The following SCHIP1 variants were observed in gnomAD, a reference collection of about 807,000 sequenced individuals.
The protein encoded by SCHIP1 is schwannomin interacting protein 1.
In SCHIP1, 8 loss-of-function variants were observed where a neutral mutation model predicts 29.7. The observed-to-expected ratio is 0.27, with a 90% CI of 0.16 to 0.49. The LOEUF (loss-of-function observed/expected upper bound fraction) is 0.49, where lower values mean the gene tolerates loss of function less well. Ranked by LOEUF, SCHIP1 falls within the 20% of genes least tolerant of loss-of-function variation. The pLI is 0.99. For synonymous variants in SCHIP1, 76 were observed against 94.9 expected (o/e 0.80, Z 1.16); for missense variants, 193 against 294.6 (o/e 0.66, Z 2.52).
the SCHIP1 span, among the ~76,000 whole-genome samples, chr3:159,573,522 C>T: frequency 6.6e-6 from 1 of 152,222 alleles, no homozygotes; most frequent in Non-Finnish European, 1.5e-5. Flanking sequence ...CTCGATCTTC[C>T]TCTCTGGCTG....
chr3:159,590,422 A>G, the SCHIP1 span, among the ~76,000 whole-genome samples: 3 of 152,240 alleles, frequency 2.0e-5, no homozygotes, highest in Admixed American at 6.5e-5. Context: ...CTAAAAATAC[A>G]AAAATTAGCC....
chr3:159,597,669 A>T, the SCHIP1 span, among the ~76,000 whole-genome samples: 1 of 152,242 alleles, frequency 6.6e-6, no homozygotes, highest in East Asian at 1.9e-4. Context: ...CATTTTATCC[A>T]TTCACGCATT....
the SCHIP1 span, among the ~76,000 whole-genome samples, chr3:159,779,083 A>G: frequency 2.0e-5 from 3 of 152,186 alleles, no homozygotes; most frequent in African/African-American, 7.2e-5. Context: ...GGAATTGTGA[A>G]GGCTCTATGA....
At chr3:159,469,662 C>G in the SCHIP1 span, among the ~76,000 whole-genome samples, 2 of 152,084 alleles carry the variant, frequency 1.3e-5, no homozygotes, top group Non-Finnish European at 2.9e-5. Flanking sequence ...AAAGCTAGAA[C>G]TTTTATCAAA....
the SCHIP1 span, among the ~76,000 whole-genome samples, chr3:159,775,051 C>A: frequency 6.6e-6 from 1 of 151,812 alleles, no homozygotes; most frequent in Non-Finnish European, 1.5e-5. Flanking sequence ...CATAGTAGAC[C>A]CAAACAAAAA....
At chr3:159,742,764 T>G in the SCHIP1 span, among the ~76,000 whole-genome samples, 14 of 151,324 alleles carry the variant, frequency 9.3e-5, no homozygotes, top group Admixed American at 9.2e-4. Context: ...ACCTCCCGGG[T>G]TCAAGCAATT....
At chr3:159,355,618 T>G in the SCHIP1 span, among the ~76,000 whole-genome samples, 2 of 152,132 alleles carry the variant, frequency 1.3e-5, no homozygotes, top group Admixed American at 6.6e-5. Flanking sequence ...TATATTCTAT[T>G]TCTTGGAGAA....
At chr3:159,317,481 C>T in the SCHIP1 span, among the ~76,000 whole-genome samples, 5 of 152,216 alleles carry the variant, frequency 3.3e-5, no homozygotes, top group East Asian at 1.9e-4. Flanking sequence ...CATTGATTCC[C>T]GGACCCGTGA....
At chr3:159,413,388 A>C in the SCHIP1 span, among the ~76,000 whole-genome samples, 1 of 152,180 alleles carries the variant, frequency 6.6e-6, no homozygotes, top group Non-Finnish European at 1.5e-5. Context: ...TTATTAACTG[A>C]AAAATGAACT....
the SCHIP1 span, among the ~76,000 whole-genome samples, chr3:159,555,581 TTG>T: frequency 3.3e-5 from 5 of 151,872 alleles, no homozygotes; most frequent in Admixed American, 2.0e-4. Flanking sequence ...TCTCTCTCTC[TTG>T]TGTGTGTGTG....
chr3:159,678,844 C>T, the SCHIP1 span, among the ~76,000 whole-genome samples: 3 of 152,158 alleles, frequency 2.0e-5, no homozygotes, highest in Non-Finnish European at 2.9e-5. Context: ...TAAGGAAAGG[C>T]GGGGGAAACC....
chr3:159,411,410 C>T, the SCHIP1 span, among the ~76,000 whole-genome samples: 33 of 152,026 alleles, frequency 2.2e-4, no homozygotes, highest in African/African-American at 7.7e-4. Flanking sequence ...AATATGTATA[C>T]CTACTCTGTG....
the SCHIP1 span, among the ~76,000 whole-genome samples, chr3:159,351,634 T>C: frequency 6.6e-6 from 1 of 152,208 alleles, no homozygotes; most frequent in Non-Finnish European, 1.5e-5. Context: ...TTCCATGGCA[T>C]ACATTAGTAA....
At chr3:159,495,458 C>A in the SCHIP1 span, among the ~76,000 whole-genome samples, 1 of 152,206 alleles carries the variant, frequency 6.6e-6, no homozygotes, top group African/African-American at 2.4e-5. Flanking sequence ...TCTTATACAC[C>A]AATCACAGAC....
the SCHIP1 span, among the ~76,000 whole-genome samples, chr3:159,790,915 T>C: frequency 1.3e-5 from 2 of 152,156 alleles, no homozygotes; most frequent in Non-Finnish European, 2.9e-5. Flanking sequence ...GAAAAAGTTG[T>C]GTTTATGTTA....
At chr3:159,311,893 A>G in the SCHIP1 span, among the ~76,000 whole-genome samples, 1 of 152,168 alleles carries the variant, frequency 6.6e-6, no homozygotes, top group African/African-American at 2.4e-5. Flanking sequence ...TTTATCTTCC[A>G]AACTTTTGAG....
At chr3:159,855,296 A>G (rs1713220956) in intron 1 of SCHIP1, among the ~76,000 whole-genome samples, 2 of 152,222 alleles carry the variant, frequency 1.3e-5, no homozygotes, top group South Asian at 2.1e-4. Context: ...TAATTTTACT[A>G]TGAGCTAGTG....
At chr3:159,669,325 C>T in the SCHIP1 span, among the ~76,000 whole-genome samples, 10 of 152,300 alleles carry the variant, frequency 6.6e-5, no homozygotes, top group Admixed American at 5.2e-4. Context: ...CAGCTCATTT[C>T]GACAGCAACC....
At chr3:159,591,700 T>G in the SCHIP1 span, among the ~76,000 whole-genome samples, 120 of 151,902 alleles carry the variant, frequency 7.9e-4, 1 homozygote, top group African/African-American at 2.9e-3. Context: ...TTCTCACTCA[T>G]AAGTGGGAGG....
Sources: allele counts gnomAD v4.1 joint callset (sites outside exome capture counted in the v4.1 genomes callset), GRCh38; gene constraint gnomAD v4.1.1; transcripts MANE v1.5; gene names NCBI Gene and HGNC (gene_info 2026-07-23, HGNC 2026-07-21).